The following TSTD2 variants were observed in gnomAD, a reference collection of about 807,000 sequenced individuals.
TSTD2 encodes thiosulfate sulfurtransferase/rhodanese-like domain-containing protein 2.
In TSTD2, 37 loss-of-function variants were observed where a neutral mutation model predicts 47.9. The ratio of observed to expected loss-of-function variants is 0.77; its 90% CI spans 0.59 to 1.02. The LOEUF is 1.02. Ranked by LOEUF, TSTD2 falls within the 50% of genes least tolerant of loss-of-function variation. The probability of loss-of-function intolerance (pLI) is 0.00; values close to 1 mark genes in which losing one functional copy is unlikely to be tolerated. For synonymous variants in TSTD2, 201 were observed against 215.9 expected (o/e 0.93, Z 0.61); for missense variants, 586 against 616.0 (o/e 0.95, Z 0.52).
intron 1 of TSTD2, among the ~76,000 whole-genome samples, chr9:97,627,841 T>C (rs1307709551): frequency 6.6e-6 from 1 of 151,898 alleles, no homozygotes; most frequent in African/African-American, 2.4e-5. Flanking sequence ...CTGCTTAGAG[T>C]TTACATTCCA....
At chr9:97,632,813 AT>A (rs1200091873) in intron 1 of TSTD2, among the ~76,000 whole-genome samples, 1 of 152,202 alleles carries the variant, frequency 6.6e-6, no homozygotes, top group African/African-American at 2.4e-5. Context: ...AAGACTCTAA[AT>A]TTTTGGATTA....
chr9:97,607,570 C>T (rs1259879175), intron 6 of TSTD2, among the ~76,000 whole-genome samples: 2 of 152,186 alleles, frequency 1.3e-5, no homozygotes, highest in African/African-American at 4.8e-5. Flanking sequence ...CACACAATTA[C>T]ATGGATACAA....
Position 97,600,438 on chromosome 9 carries a change from T to C in TSTD2, c.*2031A>G, listed in dbSNP as rs554943467. ...CATTTGGGATTTATGTACAATTTAA[T>C]ACTGGAGTTAGAACTTTTTCCTTAT... On this transcript the variant is annotated 3_prime_UTR_variant, in exon 10 of 10. Transcript: ENST00000341170. The C allele has an allele frequency of 1.4e-5, 14 of 985,698 alleles. No homozygotes were observed. Among genetic ancestry groups the C allele is most frequent in the African/African-American group, 1.7e-5 (1 of 57,370 alleles). 61.1% of individuals were successfully genotyped at this position (985,698 alleles called of 1,614,324 possible). A position where few individuals can be genotyped will look rare whatever the true frequency, so the allele number is the denominator to read the frequency against.
chr9:97,617,644 A>G, intron 4 of TSTD2, 113 bp downstream of exon 4: 1 of 1,347,328 alleles, frequency 7.4e-7, no homozygotes, highest in South Asian at 1.8e-5. Context: ...GAATTTCCCT[A>G]ACTTTTAAGA....
chr9:97,616,793 AT>A (rs2131312087), intron 4 of TSTD2, among the ~76,000 whole-genome samples: 1 of 152,360 alleles, frequency 6.6e-6, no homozygotes, highest in African/African-American at 2.4e-5. Flanking sequence ...TATAAAATAC[AT>A]AGACATATGC....
At chr9:97,632,550 T>TG (rs1826847094) in intron 1 of TSTD2, among the ~76,000 whole-genome samples, 1 of 15,900 alleles carries the variant, frequency 6.3e-5, no homozygotes, top group South Asian at 8.9e-4. Flanking sequence ...GCTCAGCTAA[T>TG]TTTTTTTTTT....
chr9:97,615,388 A>C (rs899806960), intron 4 of TSTD2, among the ~76,000 whole-genome samples: 2 of 152,254 alleles, frequency 1.3e-5, no homozygotes, highest in Admixed American at 6.5e-5. Flanking sequence ...GCCCAGTGGT[A>C]TAGCTGATAG....
intron 4 of TSTD2, among the ~76,000 whole-genome samples, chr9:97,615,221 T>G (rs1428866540): frequency 6.6e-6 from 1 of 152,220 alleles, no homozygotes; most frequent in Non-Finnish European, 1.5e-5. Context: ...AGCTCCTTAG[T>G]GAGGAAGGCC....
chr9:97,607,256 C>T (rs1826381137), intron 6 of TSTD2, among the ~76,000 whole-genome samples: 1 of 152,172 alleles, frequency 6.6e-6, no homozygotes, highest in Admixed American at 6.5e-5. Flanking sequence ...AAATATTCCC[C>T]TATCTTTGAG....
intron 6 of TSTD2, among the ~76,000 whole-genome samples, chr9:97,608,896 T>C (rs1826412060): frequency 1.3e-5 from 2 of 152,180 alleles, no homozygotes; most frequent in Admixed American, 1.3e-4. Context: ...TTCAAAACTT[T>C]ACATATTACA....
chr9:97,615,037 ATGTC>A (rs2131311154), intron 4 of TSTD2, among the ~76,000 whole-genome samples: 1 of 152,356 alleles, frequency 6.6e-6, no homozygotes, highest in African/African-American at 2.4e-5. Flanking sequence ...TGAAGTATGT[ATGTC>A]TAAGTACCTC....
chr9:97,630,765 A>C (rs1049727162), intron 1 of TSTD2, among the ~76,000 whole-genome samples: 1 of 152,212 alleles, frequency 6.6e-6, no homozygotes, highest in Non-Finnish European at 1.5e-5. Flanking sequence ...GTTTCATCAT[A>C]AATTTTCCCT....
chr9:97,620,736 C>G (rs1178186547), intron 3 of TSTD2, among the ~76,000 whole-genome samples: 1 of 152,118 alleles, frequency 6.6e-6, no homozygotes, highest in Non-Finnish European at 1.5e-5. Context: ...GCATTTTGCC[C>G]CTGCCCTAAA....
chr9:97,632,336 C>A (rs1205399457), intron 1 of TSTD2, among the ~76,000 whole-genome samples: 1 of 151,828 alleles, frequency 6.6e-6, no homozygotes, highest in Non-Finnish European at 1.5e-5. Flanking sequence ...GAAGTAGAAC[C>A]CCACAGGCCA....
chr9:97,607,733 T>A (rs1826387788), intron 6 of TSTD2, among the ~76,000 whole-genome samples: 1 of 151,736 alleles, frequency 6.6e-6, no homozygotes, highest in African/African-American at 2.4e-5. Context: ...TGAAACCCCG[T>A]CTCTACTAAA....
At chr9:97,632,708 A>C (rs1393268589) in intron 1 of TSTD2, among the ~76,000 whole-genome samples, 2 of 152,210 alleles carry the variant, frequency 1.3e-5, no homozygotes, top group Non-Finnish European at 2.9e-5. Context: ...TTTTAAACAA[A>C]GCAGTAACAC....
chr9:97,600,827 G>A lies in TSTD2; in HGVS notation c.*1642C>T, dbSNP rs1318071326. 1 of 1,077,030 alleles carries A rather than the reference G, an allele frequency of 9.3e-7. No homozygotes were observed. The highest frequency in any genetic ancestry group is 1.7e-5 in the African/African-American group (1 of 59,344). The allele number at this position is 1,077,030 out of a possible 1,614,324, so 66.7% of individuals were successfully genotyped here. A position where few individuals can be genotyped will look rare whatever the true frequency, so the allele number is the denominator to read the frequency against. On this transcript the variant is annotated 3_prime_UTR_variant, in exon 10 of 10. Coordinates refer to ENST00000341170, the MANE Select transcript of TSTD2 (RefSeq NM_139246.5). ...CTGCCAGATCTCTTTTTAACATCAT[G>A]TGCGTCTCTTGGGATCCAGCAAAAG... is the stretch of plus-strand genomic sequence containing the variant.
rs1826331475 is a variant in TSTD2 at position 97,604,538 on chromosome 9, T to C, written c.1252+189A>G. On this transcript the variant is annotated intron_variant, in intron 9 of 9. Transcript: ENST00000341170. Reference sequence around the variant, plus strand: ...TGAAGCCAGGATCCCAACCCAGGCCTCCTGACTCCTGGGCTAGGGTTCTCT... The same window carrying C: ...TGAAGCCAGGATCCCAACCCAGGCCCCCTGACTCCTGGGCTAGGGTTCTCT... The C allele has an allele frequency of 3.7e-6, 3 of 814,720 alleles. No homozygotes were observed. In the East Asian group the frequency reaches 8.8e-5, roughly 24 times the overall value. The allele number at this position is 814,720 out of a possible 1,614,324, so 50.5% of individuals were successfully genotyped here.
chr9:97,621,988 T>C (rs1826645327), intron 3 of TSTD2, among the ~76,000 whole-genome samples: 1 of 151,980 alleles, frequency 6.6e-6, no homozygotes, highest in African/African-American at 2.4e-5. Flanking sequence ...CTTACCAACA[T>C]GTGAAGCGAC....
Sources: allele counts gnomAD v4.1 joint callset (sites outside exome capture counted in the v4.1 genomes callset), GRCh38; gene constraint gnomAD v4.1.1; transcripts MANE v1.5; gene names NCBI Gene and HGNC (gene_info 2026-07-23, HGNC 2026-07-21).